DGKZ: variants seen among roughly 807,000 people sequenced by gnomAD.
DGKZ encodes the protein DAG kinase zeta.
A neutral mutation model predicts 142.5 loss-of-function variants in DGKZ; 45 were observed. The observed-to-expected ratio is 0.32, with a 90% CI of 0.25 to 0.40. The LOEUF is 0.40. Ranked by LOEUF, DGKZ falls within the 10% of genes least tolerant of loss-of-function variation. The pLI, the probability that DGKZ is intolerant of heterozygous loss-of-function variation, is 1.00. For synonymous variants in DGKZ, 442 were observed against 527.0 expected (o/e 0.84, Z 2.21); for missense variants, 755 against 1,306.5 (o/e 0.58, Z 6.51).
Position 46,379,050 on chromosome 11 carries a change from G to A in DGKZ, c.2478G>A (p.Thr826=), listed in dbSNP as rs142962841. 1.4e-5 allele frequency: 22 copies of A among 1,596,060 alleles called. No individual in the cohort carries two copies. Among genetic ancestry groups the A allele is most frequent in the African/African-American group, 1.2e-4 (9 of 74,590 alleles). ...TGCACCGAGACGAGCAGAGTCGCAC[G>A]CTCCTGCACCACGCAGTCAGCACTG... The change falls in exon 28 of 31, where the codon ACG becomes ACA. Residue 826 remains threonine, a synonymous_variant. Coordinates refer to ENST00000527911, the Ensembl canonical transcript of DGKZ.
intron 1 of DGKZ, among the ~76,000 whole-genome samples, chr11:46,364,184 G>A (rs913883949): frequency 5.3e-5 from 8 of 152,242 alleles, no homozygotes; most frequent in East Asian, 3.8e-4. Flanking sequence ...AGGCTTTGCC[G>A]TTAGGTAGAC....
At chr11:46,333,504 C>T (rs1590361851) in intron 1 of DGKZ, 1 of 1,540,878 alleles carries the variant, frequency 6.5e-7, no homozygotes, top group East Asian at 2.5e-5. Context: ...AGGACGTGGG[C>T]AGAGGGGAGC....
chr11:46,367,975 C>T lies in DGKZ; in HGVS notation c.367-27C>T, dbSNP rs759758304. 3.7e-6 allele frequency: 6 copies of T among 1,613,338 alleles called. No individual in the cohort carries two copies. The highest frequency in any genetic ancestry group is 1.6e-4 in the Middle Eastern group (1 of 6,062). ...TCCGAGATAGACTTACCTGGTGCCT[C>T]AGGGGCCCTCTCTTCCTGTCCTGCA... On this transcript the variant is annotated intron_variant, in intron 3 of 30. Coordinates refer to ENST00000527911, the Ensembl canonical transcript of DGKZ. The surrounding 1 kb of genome is among the most constrained non-coding windows in gnomAD (Gnocchi z 4.1).
At chr11:46,361,370 C>G (rs1370130114) in intron 1 of DGKZ, among the ~76,000 whole-genome samples, 1 of 152,222 alleles carries the variant, frequency 6.6e-6, no homozygotes, top group Non-Finnish European at 1.5e-5. Flanking sequence ...AGGGAGGCCA[C>G]TGGGTTGTCA....
exon 14 of DGKZ, chr11:46,373,068 G>A: frequency 6.5e-7 from 1 of 1,544,420 alleles, no homozygotes; most frequent in South Asian, 1.2e-5. Flanking sequence ...CCGAGGCAGG[G>A]CCTGAGGACC....
intron 21 of DGKZ, 32 bp downstream of exon 21, chr11:46,375,983 C>G: frequency 6.2e-7 from 1 of 1,611,424 alleles, no homozygotes; most frequent in East Asian, 2.2e-5. Context: ...GGCAGGGTGG[C>G]CAGGAGGGGC....
At chr11:46,369,903 A>C (rs1407187727) in intron 5 of DGKZ, 38 bp from the exon 6 acceptor site, 2 of 1,602,108 alleles carry the variant, frequency 1.2e-6, no homozygotes, top group Admixed American at 1.7e-5. Flanking sequence ...GCCCCTGCCC[A>C]CCCCTCACCC....
intron 1 of DGKZ, among the ~76,000 whole-genome samples, chr11:46,336,355 A>G (rs894738731): frequency 6.6e-5 from 10 of 152,186 alleles, no homozygotes; most frequent in Non-Finnish European, 7.3e-5. Flanking sequence ...AGAAGGCAGG[A>G]AAGAAGGCAA....
intron 19 of DGKZ, 66 bp from the exon 20 acceptor site, chr11:46,375,366 G>C (rs924708612): frequency 1.1e-4 from 165 of 1,484,426 alleles, no homozygotes; most frequent in Middle Eastern, 7.1e-4. Flanking sequence ...TTCGGAAGGA[G>C]CAGAGTCTGG....
At chr11:46,361,501 C>T (rs1179608605) in intron 1 of DGKZ, 8 of 413,948 alleles carry the variant, frequency 1.9e-5, no homozygotes, top group Non-Finnish European at 2.3e-5. Flanking sequence ...AGAGGAAGTG[C>T]GTTCAGTTAC....
chr11:46,364,676 C>T (rs1392697695), intron 1 of DGKZ: 24 of 985,334 alleles, frequency 2.4e-5, no homozygotes, highest in African/African-American at 3.5e-5. Context: ...AGGGCAGTAG[C>T]AAATCAGTGC....
chr11:46,364,980 C>T, intron 1 of DGKZ: 1 of 985,468 alleles, frequency 1.0e-6, no homozygotes, highest in Non-Finnish European at 1.2e-6. Flanking sequence ...CAGGTGGCCT[C>T]AGGTACCTGG....
chr11:46,346,389 TTC>T (rs1401610822), upstream of DGKZ, among the ~76,000 whole-genome samples: 1 of 109,220 alleles, frequency 9.2e-6, no homozygotes, highest in East Asian at 2.2e-4. Context: ...CTGGCCTCCC[TTC>T]GTCAGCCCTG....
chr11:46,367,485 G>T lies in DGKZ; in HGVS notation c.270+86G>T. 6.8e-7 allele frequency: 1 copy of T among 1,468,942 alleles called. No homozygotes were observed. The highest frequency in any genetic ancestry group is 2.4e-5 in the East Asian group (1 of 41,932). The allele number at this position is 1,468,942 out of a possible 1,614,324, so 91.0% of individuals were successfully genotyped here. On this transcript the variant is annotated intron_variant, in intron 2 of 30. Transcript: ENST00000527911. This position sits in a 1 kb window ranked among gnomAD's most constrained non-coding sequence, Gnocchi z 4.1. The stretch of plus-strand genomic sequence containing the variant: ...GCGGGTGGAGGCACTAAAGGCAGCT[G>T]GGAGAGCCAAGCCTGGAAGGGTTGG...
exon 28 of DGKZ, chr11:46,379,043 G>A: frequency 1.3e-6 from 2 of 1,595,564 alleles, no homozygotes; most frequent in Non-Finnish European, 1.7e-6. Flanking sequence ...GACGAGCAGA[G>A]TCGCACGCTC....
exon 8 of DGKZ, chr11:46,371,575 C>A (rs1433198779): frequency 1.2e-6 from 2 of 1,610,646 alleles, no homozygotes; most frequent in African/African-American, 2.7e-5. Flanking sequence ...ATCCCGCCCA[C>A]CTGGATCCTC....
At chr11:46,356,212 A>G (rs1267569343) in intron 1 of DGKZ, among the ~76,000 whole-genome samples, 1 of 152,014 alleles carries the variant, frequency 6.6e-6, no homozygotes, top group East Asian at 1.9e-4. Context: ...AGGCTAAGGG[A>G]GATATATTGG....
intron 1 of DGKZ, among the ~76,000 whole-genome samples, chr11:46,339,434 CG>C (rs1183006047): frequency 2.6e-5 from 4 of 152,200 alleles, no homozygotes; most frequent in Non-Finnish European, 4.4e-5. Context: ...TTGAAAAGGG[CG>C]GGGCCCAGGC....
chr11:46,353,811 A>C (rs1168896841), intron 1 of DGKZ, among the ~76,000 whole-genome samples: 1 of 152,184 alleles, frequency 6.6e-6, no homozygotes, highest in East Asian at 1.9e-4. Flanking sequence ...CAGAGCTCCC[A>C]CGTAGAGGCC....
Sources: allele counts gnomAD v4.1 joint callset (sites outside exome capture counted in the v4.1 genomes callset), GRCh38; gene constraint gnomAD v4.1.1; non-coding constraint Gnocchi (gnomAD v3.1); transcripts MANE v1.5; gene names NCBI Gene and HGNC (gene_info 2026-07-23, HGNC 2026-07-21).